Variants in GLP1R observed in about 807,000 individuals in gnomAD.
GLP1R encodes glucagon-like peptide 1 receptor.
In GLP1R, 32 loss-of-function variants were observed where a neutral mutation model predicts 68.4. The ratio of observed to expected loss-of-function variants is 0.47; its 90% CI spans 0.35 to 0.63. The LOEUF is 0.63. GLP1R is among the 20% of genes least tolerant of loss of function. The probability of loss-of-function intolerance (pLI) is 0.00; values close to 1 mark genes in which losing one functional copy is unlikely to be tolerated. For synonymous variants in GLP1R, 263 were observed against 244.4 expected (o/e 1.08, Z -0.71); for missense variants, 502 against 594.9 (o/e 0.84, Z 1.62).
Position 39,088,116 on chromosome 6 carries a change from ATTTAG to A in GLP1R, c.*2048_*2052del, listed in dbSNP as rs1231629361. On this transcript the variant is annotated 3_prime_UTR_variant, in exon 13 of 13. Coordinates refer to ENST00000373256, the MANE Select transcript of GLP1R (RefSeq NM_002062.5). ...GTTAGGCACCTGGGAAGCTCAAATC[ATTTAG>A]TTTAAACTGTAAGTAGAGTTGTCTT... Among the ~76,000 whole-genome samples, 6 of 152,312 alleles carry A rather than the reference ATTTAG, an allele frequency of 3.9e-5. No homozygotes were observed. Among genetic ancestry groups the A allele is most frequent in the African/African-American group, 9.6e-5 (4 of 41,576 alleles).
chr6:39,076,371 G>C, intron 7 of GLP1R, among the ~76,000 whole-genome samples: 1 of 152,298 alleles, frequency 6.6e-6, no homozygotes, highest in East Asian at 1.9e-4. Context: ...GTCTCATAAA[G>C]GCCTGTTACT....
chr6:39,053,838 C>T (rs1192472893), intron 1 of GLP1R, among the ~76,000 whole-genome samples: 1 of 152,178 alleles, frequency 6.6e-6, no homozygotes, highest in Non-Finnish European at 1.5e-5. Flanking sequence ...CTCATTTACT[C>T]AGTCTTTCCC....
At position 39,090,546 on chromosome 6, in the gene GLP1R, C is replaced by T. The variant is rs1371265189; in HGVS notation, c.*4473C>T. On this transcript the variant is annotated 3_prime_UTR_variant, in exon 13 of 13. Transcript: ENST00000373256. ...AGCTGTGACCAATTTGGGGGTGCAG[C>T]TGAGAGTGAGGTGCTGTCAGGGCTG... Among the ~76,000 whole-genome samples the T allele has an allele frequency of 6.6e-6, 1 of 152,186 alleles. No individual in the cohort carries two copies. Among genetic ancestry groups the T allele is most frequent in the Non-Finnish European group, 1.5e-5 (1 of 68,036 alleles).
At chr6:39,059,728 C>T (rs1205338178) in intron 3 of GLP1R, among the ~76,000 whole-genome samples, 1 of 152,126 alleles carries the variant, frequency 6.6e-6, no homozygotes, top group African/African-American at 2.4e-5. Context: ...TCTCTGCCTC[C>T]CATAGATTTG....
Position 39,065,714 on chromosome 6 carries a change from C to T in GLP1R, c.287C>T (p.Pro96Leu), listed in dbSNP as rs201355669. The T allele has an allele frequency of 1.2e-4, 182 of 1,559,160 alleles. No individual in the cohort carries two copies. Among genetic ancestry groups the T allele is most frequent in the Non-Finnish European group, 1.5e-4 (174 of 1,150,246 alleles). The stretch of plus-strand genomic sequence containing the variant: ...GGGCCAGGTCTCCCCACCCCAGTGC[C>T]GCAGGGCCACGTGTACCGGTTCTGC... The part of the protein sequence containing the change: ...PWYLPWASSV[P>L]QGHVYRFCTA... Residue 96 changes from proline (P) to leucine (L), a missense_variant, in exon 4 of 13, where the codon CCG becomes CTG. Coordinates refer to ENST00000373256, the MANE Select transcript of GLP1R (RefSeq NM_002062.5).
chr6:39,053,807 A>T (rs1768144956), intron 1 of GLP1R, among the ~76,000 whole-genome samples: 1 of 152,140 alleles, frequency 6.6e-6, no homozygotes, highest in East Asian at 1.9e-4. Flanking sequence ...CCCAGGCCCT[A>T]TGGCACTGGG....
chr6:39,071,039 A>G (rs1438494134), intron 5 of GLP1R, among the ~76,000 whole-genome samples: 12 of 152,204 alleles, frequency 7.9e-5, no homozygotes, highest in African/African-American at 2.4e-5. Context: ...CAAATTCTGG[A>G]CAGTCTTATT....
intron 4 of GLP1R, 112 bp downstream of exon 4, chr6:39,065,941 C>A: frequency 2.9e-6 from 2 of 692,436 alleles, no homozygotes; most frequent in Non-Finnish European, 5.2e-6. Context: ...TTTCATCCAT[C>A]TCCTTGCCTC....
At chr6:39,083,439 G>A (rs1769061572) in intron 12 of GLP1R, among the ~76,000 whole-genome samples, 1 of 152,216 alleles carries the variant, frequency 6.6e-6, no homozygotes, top group African/African-American at 2.4e-5. Context: ...GAGAAAAGAT[G>A]GCTTGAATAT....
chr6:39,080,220 C>T (rs1428986610), intron 11 of GLP1R, among the ~76,000 whole-genome samples: 1 of 152,106 alleles, frequency 6.6e-6, no homozygotes, highest in African/African-American at 2.4e-5. Context: ...GATGCCTGCA[C>T]ACATGTGGGC....
At chr6:39,061,831 G>T (rs1467564019) in intron 3 of GLP1R, among the ~76,000 whole-genome samples, 3 of 152,202 alleles carry the variant, frequency 2.0e-5, no homozygotes, top group African/African-American at 4.8e-5. Context: ...ATTTGAACTT[G>T]AGTCTGTGTT....
chr6:39,050,955 G>T (rs575163692), intron 1 of GLP1R, among the ~76,000 whole-genome samples: 3 of 152,222 alleles, frequency 2.0e-5, no homozygotes, highest in Admixed American at 1.3e-4. Context: ...TCACTGTCAG[G>T]TCTCGTGAGG....
chr6:39,058,719 CT>C (rs1768281410), intron 3 of GLP1R, among the ~76,000 whole-genome samples: 1 of 152,148 alleles, frequency 6.6e-6, no homozygotes, highest in Admixed American at 6.5e-5. Flanking sequence ...TGAGTACCTA[CT>C]GTGTGCCAAG....
intron 12 of GLP1R, among the ~76,000 whole-genome samples, chr6:39,084,963 T>C (rs1769107737): frequency 6.6e-6 from 1 of 152,106 alleles, no homozygotes; most frequent in Non-Finnish European, 1.5e-5. Flanking sequence ...CCAGACACTC[T>C]GGTGTGGGAA....
At chr6:39,073,154 G>T in intron 6 of GLP1R, 139 bp downstream of exon 6, 1 of 756,584 alleles carries the variant, frequency 1.3e-6, no homozygotes, top group Non-Finnish European at 2.1e-6. Context: ...AGTCTGATGG[G>T]AGAGGCAGTT....
chr6:39,078,087 G>A (rs1238771675), intron 7 of GLP1R, among the ~76,000 whole-genome samples: 3 of 152,234 alleles, frequency 2.0e-5, no homozygotes, highest in Non-Finnish European at 4.4e-5. Context: ...CAGGAGGTGG[G>A]GGACTGATGA....
intron 1 of GLP1R, among the ~76,000 whole-genome samples, chr6:39,052,246 T>C (rs547668056): frequency 6.6e-6 from 1 of 152,076 alleles, no homozygotes; most frequent in South Asian, 2.1e-4. Flanking sequence ...AAATGGATTG[T>C]AAGCTCTGAG....
At chr6:39,070,599 A>AG (rs1297081894) in intron 5 of GLP1R, among the ~76,000 whole-genome samples, 2 of 152,214 alleles carry the variant, frequency 1.3e-5, no homozygotes, top group Admixed American at 1.3e-4. Context: ...TCCTTTGTCT[A>AG]GCCTTCTCAC....
At chr6:39,057,132 G>A (rs1768232466) in intron 2 of GLP1R, among the ~76,000 whole-genome samples, 1 of 152,208 alleles carries the variant, frequency 6.6e-6, no homozygotes, top group Non-Finnish European at 1.5e-5. Context: ...TGCAATTTAA[G>A]AATAGGCCCA....
Sources: allele counts gnomAD v4.1 joint callset (sites outside exome capture counted in the v4.1 genomes callset), GRCh38; gene constraint gnomAD v4.1.1; transcripts MANE v1.5; gene names NCBI Gene and HGNC (gene_info 2026-07-23, HGNC 2026-07-21).